Variants in SRPK1 observed in about 807,000 individuals in gnomAD.
The protein encoded by SRPK1 is SRSF protein kinase 1.
SRPK1 carries 52 observed loss-of-function variants against 89.5 expected under a neutral mutation model. The observed-to-expected ratio is 0.58, with a 90% confidence interval of 0.46 to 0.73. The LOEUF (loss-of-function observed/expected upper bound fraction) is 0.73. Ranked by LOEUF, SRPK1 falls within the 30% of genes least tolerant of loss-of-function variation. The probability of loss-of-function intolerance (pLI) is 0.00; values close to 1 mark genes in which losing one functional copy is unlikely to be tolerated. For synonymous variants in SRPK1, 255 were observed against 270.2 expected (o/e 0.94, Z 0.55); for missense variants, 603 against 780.6 (o/e 0.77, Z 2.71).
Position 35,918,282 on chromosome 6 carries a change from C to G in SRPK1, c.74+2186G>C, listed in dbSNP as rs543058524. Among the ~76,000 whole-genome samples, 117 of 152,302 alleles carry G rather than the reference C, an allele frequency of 7.7e-4. 2 individuals carry two copies. In the South Asian group the frequency reaches 0.023, roughly 30 times the overall value. ...TTGGGAGGCTGAGGCAGGCGGATTA[C>G]CTGAGCTCAGGAGTTCGAGACCAGC... On this transcript the variant is annotated intron_variant, in intron 2 of 15. Coordinates refer to ENST00000373825, the MANE Select transcript of SRPK1 (RefSeq NM_003137.5).
At chr6:35,888,681 C>G in intron 4 of SRPK1, 134 bp downstream of exon 4, 1 of 621,390 alleles carries the variant, frequency 1.6e-6, no homozygotes, top group Non-Finnish European at 2.9e-6. Context: ...AATACAGAGA[C>G]TATTGCCAAC....
At chr6:35,890,748 A>G in intron 3 of SRPK1, 147 bp downstream of exon 3, 1 of 624,248 alleles carries the variant, frequency 1.6e-6, no homozygotes, top group Non-Finnish European at 2.4e-6. Context: ...AAGTCAGACT[A>G]AGAACAAATA....
At chr6:35,901,987 C>T (rs1396028809) in intron 2 of SRPK1, among the ~76,000 whole-genome samples, 1 of 152,052 alleles carries the variant, frequency 6.6e-6, no homozygotes, top group African/African-American at 2.4e-5. Flanking sequence ...TATAATTCAA[C>T]CTTGATCCTC....
At chr6:35,877,563 C>A (rs1272278167) in intron 6 of SRPK1, among the ~76,000 whole-genome samples, 2 of 152,128 alleles carry the variant, frequency 1.3e-5, no homozygotes, top group East Asian at 3.8e-4. Context: ...TGAAAATGGG[C>A]CGGGTGCAGT....
intron 6 of SRPK1, among the ~76,000 whole-genome samples, chr6:35,879,239 G>A (rs112166047): frequency 6.6e-6 from 1 of 151,588 alleles, no homozygotes; most frequent in Non-Finnish European, 1.5e-5. Flanking sequence ...GACTACATAA[G>A]AAAAACAAAT....
At chr6:35,836,240 A>AATGCCTGAC (rs1363240364) in intron 15 of SRPK1, among the ~76,000 whole-genome samples, 1 of 152,028 alleles carries the variant, frequency 6.6e-6, no homozygotes, top group Non-Finnish European at 1.5e-5. Flanking sequence ...AAAAGAACCT[A>AATGCCTGAC]ATGCCTGACA....
At position 35,910,139 on chromosome 6, in the gene SRPK1, G is replaced by A. The variant is rs780381834; in HGVS notation, c.74+10329C>T. Reference sequence around the variant, plus strand: ...GCTGGGATTACAGGCATGCGCCACCGCACCCGACTAATTTTGTATTTTTAG... The same window carrying A: ...GCTGGGATTACAGGCATGCGCCACCACACCCGACTAATTTTGTATTTTTAG... On this transcript the variant is annotated intron_variant, in intron 2 of 15. Transcript: ENST00000373825. Among the ~76,000 whole-genome samples the A allele has an allele frequency of 4.6e-5, 7 of 151,896 alleles. 1 individual carries two copies. Among genetic ancestry groups the A allele is most frequent in the East Asian group, 3.9e-4 (2 of 5,162 alleles).
chr6:35,912,292 A>T (rs1435099414), intron 2 of SRPK1, among the ~76,000 whole-genome samples: 2 of 152,210 alleles, frequency 1.3e-5, no homozygotes, highest in African/African-American at 4.8e-5. Context: ...TCGATGCTGC[A>T]GTGAGCTATG....
intron 2 of SRPK1, among the ~76,000 whole-genome samples, chr6:35,907,007 G>C (rs1223749967): frequency 1.3e-5 from 2 of 152,092 alleles, no homozygotes; most frequent in African/African-American, 2.4e-5. Flanking sequence ...AATAAATTAA[G>C]AAATAGAATA....
Position 35,835,126 on chromosome 6 carries a change from G to A in SRPK1, c.*178C>T. ...AATTCACCTAGGATGCCCAATGGCT[G>A]TGGGGATCTCCACAGGGTCAAGTAA... On this transcript the variant is annotated 3_prime_UTR_variant, in exon 16 of 16. Transcript: ENST00000373825. 1 of 555,334 alleles carries A rather than the reference G, an allele frequency of 1.8e-6. No homozygotes were observed. Among genetic ancestry groups the A allele is most frequent in the African/African-American group, 1.9e-5 (1 of 53,608 alleles). The allele number at this position is 555,334 out of a possible 1,614,324, so 34.4% of individuals were successfully genotyped here. A position where few individuals can be genotyped will look rare whatever the true frequency, so the allele number is the denominator to read the frequency against.
intron 12 of SRPK1, among the ~76,000 whole-genome samples, chr6:35,863,755 T>C (rs1345467235): frequency 6.6e-6 from 1 of 152,128 alleles, no homozygotes; most frequent in African/African-American, 2.4e-5. Flanking sequence ...AGAGAAAATC[T>C]TTCTTCAATC....
chr6:35,875,566 C>G (rs1228891620), intron 6 of SRPK1, among the ~76,000 whole-genome samples: 1 of 152,082 alleles, frequency 6.6e-6, no homozygotes, highest in African/African-American at 2.4e-5. Flanking sequence ...AAAAACAGAA[C>G]AAGTCCACAC....
chr6:35,882,788 T>C (rs1770323883), intron 6 of SRPK1, among the ~76,000 whole-genome samples: 1 of 151,986 alleles, frequency 6.6e-6, no homozygotes, highest in Admixed American at 6.6e-5. Flanking sequence ...CATTTGAAAT[T>C]TACCAATGAT....
chr6:35,851,069 C>T (rs568732591), intron 13 of SRPK1, among the ~76,000 whole-genome samples: 11 of 152,230 alleles, frequency 7.2e-5, no homozygotes, highest in African/African-American at 2.6e-4. Context: ...GGGAGAAAAA[C>T]AGAAGCAGAG....
chr6:35,856,561 C>A (rs1027110827), intron 13 of SRPK1, among the ~76,000 whole-genome samples: 1 of 152,050 alleles, frequency 6.6e-6, no homozygotes, highest in Non-Finnish European at 1.5e-5. Flanking sequence ...AGCAATCACC[C>A]AAAATGTGTC....
intron 6 of SRPK1, among the ~76,000 whole-genome samples, chr6:35,874,697 C>T (rs1200876224): frequency 6.6e-6 from 1 of 152,158 alleles, no homozygotes; most frequent in Non-Finnish European, 1.5e-5. Context: ...AGTTTCTTCC[C>T]TAATATCAAA....
intron 2 of SRPK1, among the ~76,000 whole-genome samples, chr6:35,918,512 GA>G (rs894384544): frequency 8.0e-5 from 12 of 150,454 alleles, no homozygotes; most frequent in African/African-American, 2.7e-4. Flanking sequence ...AAAAGAAAAA[GA>G]AAAAAAAGGT....
chr6:35,869,136 A>C, intron 11 of SRPK1, 26 bp from the exon 12 acceptor site: 1 of 1,559,298 alleles, frequency 6.4e-7, no homozygotes. Flanking sequence ...ATCATCAATA[A>C]GACTGTTCAA....
intron 2 of SRPK1, among the ~76,000 whole-genome samples, chr6:35,903,970 A>ATT (rs754037534): frequency 2.8e-5 from 4 of 143,440 alleles, no homozygotes; most frequent in Non-Finnish European, 3.1e-5. Flanking sequence ...CACCCAGCGA[A>ATT]TTTTTTTTTT....
Sources: allele counts gnomAD v4.1 joint callset (sites outside exome capture counted in the v4.1 genomes callset), GRCh38; gene constraint gnomAD v4.1.1; transcripts MANE v1.5; gene names NCBI Gene and HGNC (gene_info 2026-07-23, HGNC 2026-07-21).